Variants in N4BP1 observed in about 807,000 individuals in gnomAD.
N4BP1 encodes NEDD4-binding protein 1.
N4BP1 carries 21 observed loss-of-function variants against 70.9 expected under a neutral mutation model. The observed-to-expected ratio is 0.30, with a 90% CI of 0.21 to 0.43. N4BP1 has a LOEUF of 0.43. Among genes scored for constraint, N4BP1 ranks in the 20% least tolerant of loss-of-function variants. N4BP1 has a pLI of 1.00. For synonymous variants in N4BP1, 387 were observed against 394.6 expected, an observed-to-expected ratio of 0.98 and a Z score of 0.23; for missense variants, 936 against 1,069.4, an observed-to-expected ratio of 0.88 and a Z score of 1.74.
rs1324863709 is a variant in N4BP1 at position 48,610,136 on chromosome 16, G to T, written c.-164C>A. 4.2e-5 allele frequency: 8 copies of T among 192,048 alleles called. No individual in the cohort carries two copies. Among genetic ancestry groups the T allele is most frequent in the Admixed American group, 2.0e-4 (3 of 15,284 alleles). The allele number at this position is 192,048 out of a possible 1,614,324, so 11.9% of individuals were successfully genotyped here. A position where few individuals can be genotyped will look rare whatever the true frequency, so the allele number is the denominator to read the frequency against. The stretch of plus-strand genomic sequence containing the variant: ...CCCTCAGGCCCGGCTATACCATCCC[G>T]CCACGACCGCAGCAGCTTGGCAATT... On this transcript the variant is annotated 5_prime_UTR_variant, in exon 1 of 7. Coordinates refer to ENST00000262384, the MANE Select transcript of N4BP1 (RefSeq NM_153029.4).
At chr16:48,560,710 A>G in intron 2 of N4BP1, 44 bp downstream of exon 2, 1 of 1,549,770 alleles carries the variant, frequency 6.5e-7, no homozygotes, top group East Asian at 2.2e-5. Flanking sequence ...GACACCATTT[A>G]GAGCCCTATT....
chr16:48,600,543 A>T (rs1869293766), intron 1 of N4BP1: 1 of 585,744 alleles, frequency 1.7e-6, no homozygotes, highest in Admixed American at 1.9e-5. Context: ...AAACAGGTCA[A>T]GCAAAACATC....
In N4BP1 at chr16:48,542,251, G is replaced by A. The variant is rs1321287192; in HGVS notation, c.*653C>T. 6.6e-6 allele frequency: 1 copy of A among 152,388 alleles called. No individual in the cohort carries two copies. Among genetic ancestry groups the A allele is most frequent in the African/African-American group, 2.4e-5 (1 of 41,466 alleles). 9.4% of individuals were successfully genotyped at this position (152,388 alleles called of 1,614,324 possible). A position where few individuals can be genotyped will look rare whatever the true frequency, so the allele number is the denominator to read the frequency against. On this transcript the variant is annotated 3_prime_UTR_variant, in exon 7 of 7. Transcript: ENST00000262384. Reference sequence around the variant, plus strand: ...GGGGGAAGGAGGGTGGGACTCCATGGGCTCCACGATGTCTTCTAGCCCTGG... The same window carrying A: ...GGGGGAAGGAGGGTGGGACTCCATGAGCTCCACGATGTCTTCTAGCCCTGG...
At chr16:48,560,001 G>C (rs904771431) in intron 2 of N4BP1, among the ~76,000 whole-genome samples, 1 of 152,058 alleles carries the variant, frequency 6.6e-6, no homozygotes, top group Non-Finnish European at 1.5e-5. Context: ...CTGAAACTCC[G>C]AACAGTTAAG....
At position 48,609,999 on chromosome 16, in the gene N4BP1, CCGGGGGCCGGCGGCGGCGA is replaced by C. The variant is rs1964660357; in HGVS notation, c.-46_-28del. 8.7e-7 allele frequency: 1 copy of C among 1,151,648 alleles called. No homozygotes were observed. Among genetic ancestry groups the C allele is most frequent in the Non-Finnish European group, 1.1e-6 (1 of 936,964 alleles). 71.3% of individuals were successfully genotyped at this position (1,151,648 alleles called of 1,614,324 possible). On this transcript the variant is annotated 5_prime_UTR_variant, in exon 1 of 7. Transcript: ENST00000262384. ...GCGGGCGCGGCCTCCCGCGGCGGCG[CCGGGGGCCGGCGGCGGCGA>C]CGCCCCCTCAGCTTGCTGCCGCTGC...
intron 1 of N4BP1, among the ~76,000 whole-genome samples, chr16:48,604,591 A>C (rs533310532): frequency 5.5e-5 from 7 of 127,734 alleles, no homozygotes; most frequent in East Asian, 2.0e-4. Context: ...ACAAAAAAAA[A>C]CAAAAAAAGG....
chr16:48,602,491 A>G (rs1206582825), intron 1 of N4BP1, among the ~76,000 whole-genome samples: 1 of 152,188 alleles, frequency 6.6e-6, no homozygotes, highest in Non-Finnish European at 1.5e-5. Flanking sequence ...TGACCCCAGC[A>G]TAAGCAATAC....
intron 6 of N4BP1, 120 bp downstream of exon 6, chr16:48,546,027 C>CAAAA: frequency 1.0e-5 from 5 of 488,078 alleles, no homozygotes; most frequent in African/African-American, 2.2e-5. Flanking sequence ...GACCTTGTCT[C>CAAAA]AAAAAAAAAA....
At position 48,562,275 on chromosome 16, in the gene N4BP1, C is replaced by T. The variant is rs1162727867; in HGVS notation, c.368G>A (p.Ser123Asn). The T allele has an allele frequency of 3.1e-6, 5 of 1,613,828 alleles. No individual in the cohort carries two copies. The African/African-American group carries it at 5.3e-5, about 17-fold the overall frequency. Residue 123 changes from serine (S) to asparagine (N), a missense_variant, in exon 2 of 7, where the codon AGT becomes AAT. Around this residue, in one of 4 missense-constraint regions of N4BP1, gnomAD observed 187 missense variants for 217.1 expected, o/e 0.86. Transcript: ENST00000262384. Reference sequence around the variant, plus strand: ...CCTAGCCATGACCACAGCCTCAGCACTTCCTCTGATGCCAAGAAGGCCAAT... The same window carrying T: ...CCTAGCCATGACCACAGCCTCAGCATTTCCTCTGATGCCAAGAAGGCCAAT... ...LDIGLLGIRGSAEAVVMARSH... is the reference protein window; with the variant it reads ...LDIGLLGIRGNAEAVVMARSH...
intron 1 of N4BP1, among the ~76,000 whole-genome samples, chr16:48,575,851 T>G (rs921473508): frequency 2.6e-5 from 4 of 152,126 alleles, no homozygotes; most frequent in African/African-American, 9.7e-5. Context: ...TGGGGGTAGG[T>G]ATGACATACT....
In N4BP1 at chr16:48,540,787, G is replaced by A. The variant is rs1334432317; in HGVS notation, c.*2117C>T. 5 of 152,292 alleles carry A rather than the reference G, an allele frequency of 3.3e-5. No individual in the cohort carries two copies. Among genetic ancestry groups the A allele is most frequent in the Non-Finnish European group, 7.3e-5 (5 of 68,084 alleles). The allele number at this position is 152,292 out of a possible 1,614,324, so 9.4% of individuals were successfully genotyped here. A position where few individuals can be genotyped will look rare whatever the true frequency, so the allele number is the denominator to read the frequency against. On this transcript the variant is annotated 3_prime_UTR_variant, in exon 7 of 7. Transcript: ENST00000262384. Reference sequence around the variant, plus strand: ...CAGATACTTATGCAGCAGCCACACTGAGGCTAGTACTGGAGGAGGCTGAGA... The same window carrying A: ...CAGATACTTATGCAGCAGCCACACTAAGGCTAGTACTGGAGGAGGCTGAGA...
intron 1 of N4BP1, among the ~76,000 whole-genome samples, chr16:48,579,662 T>C (rs1567438593): frequency 1.5e-5 from 2 of 137,020 alleles, no homozygotes; most frequent in African/African-American, 5.4e-5. Context: ...TGAATATAAA[T>C]AGAAAAAGAA....
chr16:48,564,299 C>CT (rs1192202382), intron 1 of N4BP1, among the ~76,000 whole-genome samples: 10 of 152,304 alleles, frequency 6.6e-5, no homozygotes, highest in Admixed American at 5.9e-4. Context: ...ATGTTATCGT[C>CT]TAAGTTTTAC....
At chr16:48,598,152 T>C (rs1265022204) in intron 1 of N4BP1, among the ~76,000 whole-genome samples, 3 of 152,250 alleles carry the variant, frequency 2.0e-5, no homozygotes, top group Admixed American at 2.0e-4. Flanking sequence ...CAAATATGCC[T>C]GCTTCCCAGG....
Position 48,560,664 on chromosome 16 carries a change from CATGT to C in N4BP1, c.1889+86_1889+89del, listed in dbSNP as rs144479917. 4.2e-5 allele frequency: 61 copies of C among 1,449,302 alleles called. No individual in the cohort carries two copies. In the East Asian group the frequency reaches 1.3e-3, roughly 32 times the overall value. The allele number at this position is 1,449,302 out of a possible 1,614,324, so 89.8% of individuals were successfully genotyped here. A position where few individuals can be genotyped will look rare whatever the true frequency, so the allele number is the denominator to read the frequency against. Reference sequence around the variant, plus strand: ...AAGGCTACAGATCAACTATATACAACATGTATGTATAGTTCCCATATACATGTGA... The same window carrying C: ...AAGGCTACAGATCAACTATATACAACATGTATAGTTCCCATATACATGTGA... On this transcript the variant is annotated intron_variant, in intron 2 of 6. Transcript: ENST00000262384.
At position 48,553,562 on chromosome 16, in the gene N4BP1, G is replaced by A; in HGVS notation, c.1997C>T (p.Thr666Ile). ...ACCTGTGACATTAGGATCACGCCTTGTTCTCCACTGAGGGACAAATACAGT... is the reference window on the plus strand; with the variant it reads ...ACCTGTGACATTAGGATCACGCCTTATTCTCCACTGAGGGACAAATACAGT... ...NITVFVPQWR[T>I]RRDPNVTEQH... The change falls in exon 3 of 7, where the codon ACA becomes ATA. Residue 666 changes from threonine to isoleucine, a missense_variant. This residue lies in a region of N4BP1 where 229 missense variants were observed against 343.5 expected (regional missense o/e 0.67). Coordinates refer to ENST00000262384, the MANE Select transcript of N4BP1 (RefSeq NM_153029.4). The A allele has an allele frequency of 6.3e-7, 1 of 1,589,342 alleles. No homozygotes were observed. Among genetic ancestry groups the A allele is most frequent in the South Asian group, 1.2e-5 (1 of 84,806 alleles).
intron 1 of N4BP1, 102 bp downstream of exon 1, chr16:48,609,673 C>A: frequency 9.4e-7 from 1 of 1,061,644 alleles, no homozygotes; most frequent in East Asian, 3.4e-5. Flanking sequence ...GCGTTCCCAA[C>A]CCAGGCGCAT....
At chr16:48,563,482 T>C (rs1267135154) in intron 1 of N4BP1, among the ~76,000 whole-genome samples, 1 of 151,666 alleles carries the variant, frequency 6.6e-6, no homozygotes, top group African/African-American at 2.4e-5. Context: ...ATCTCCCAGG[T>C]TCAAGCGACT....
chr16:48,551,301 A>G (rs1963662174), intron 4 of N4BP1, 85 bp downstream of exon 4: 6 of 932,658 alleles, frequency 6.4e-6, no homozygotes, highest in Admixed American at 2.0e-5. Context: ...CAGGTCCTCT[A>G]AAAGTGTGGA....
Sources: allele counts gnomAD v4.1 joint callset (sites outside exome capture counted in the v4.1 genomes callset), GRCh38; gene constraint gnomAD v4.1.1; regional missense constraint gnomAD v4.1.1; transcripts MANE v1.5; gene names NCBI Gene and HGNC (gene_info 2026-07-23, HGNC 2026-07-21).